AGBL4: variants seen among roughly 807,000 people sequenced by gnomAD.
AGBL4 encodes the protein cytosolic carboxypeptidase 6.
Under a neutral mutation model 66.4 loss-of-function variants are expected in AGBL4, and 58 were observed. The observed-to-expected ratio is 0.87, with a 90% CI of 0.71 to 1.09. The LOEUF (loss-of-function observed/expected upper bound fraction) is 1.09. AGBL4 is among the 50% of genes least tolerant of loss of function. The pLI is 0.00. For synonymous variants in AGBL4, 234 were observed against 222.9 expected (o/e 1.05, Z -0.44); for missense variants, 579 against 631.0 (o/e 0.92, Z 0.88).
chr1:48,958,588 G>A (rs1334849839), intron 5 of AGBL4, among the ~76,000 whole-genome samples: 1 of 152,196 alleles, frequency 6.6e-6, no homozygotes, highest in East Asian at 1.9e-4. Context: ...TACAGCAAGG[G>A]AAGTCCTGGT....
intron 3 of AGBL4, among the ~76,000 whole-genome samples, chr1:49,474,387 G>T (rs1051895087): frequency 2.0e-5 from 3 of 151,748 alleles, no homozygotes; most frequent in African/African-American, 4.8e-5. Flanking sequence ...TGTGTAAATT[G>T]TAAATGGGAT....
intron 2 of AGBL4, among the ~76,000 whole-genome samples, chr1:49,810,092 TC>T (rs1298560687): frequency 1.3e-5 from 2 of 152,180 alleles, no homozygotes; most frequent in Non-Finnish European, 2.9e-5. Context: ...ACAAAATTGA[TC>T]TTTACCACTT....
At chr1:49,145,484 T>C (rs1646200091) in intron 4 of AGBL4, among the ~76,000 whole-genome samples, 1 of 152,238 alleles carries the variant, frequency 6.6e-6, no homozygotes, top group Admixed American at 6.5e-5. Context: ...CAAGTATTTT[T>C]GTGTATTATT....
At chr1:49,101,557 T>C (rs1645202577) in intron 4 of AGBL4, among the ~76,000 whole-genome samples, 1 of 152,174 alleles carries the variant, frequency 6.6e-6, no homozygotes, top group Non-Finnish European at 1.5e-5. Flanking sequence ...GAATACTCTA[T>C]ACAGAATAAT....
intron 6 of AGBL4, among the ~76,000 whole-genome samples, chr1:48,862,480 C>T (rs1213034990): frequency 1.3e-5 from 2 of 152,156 alleles, no homozygotes; most frequent in African/African-American, 4.8e-5. Context: ...CGCCACCACG[C>T]TCGGCTAATT....
At chr1:48,878,676 G>C (rs1018252720) in intron 5 of AGBL4, among the ~76,000 whole-genome samples, 1 of 152,112 alleles carries the variant, frequency 6.6e-6, no homozygotes, top group Non-Finnish European at 1.5e-5. Flanking sequence ...CTGTGATTCA[G>C]ATCGGTATCT....
intron 1 of AGBL4, among the ~76,000 whole-genome samples, chr1:49,926,528 G>T (rs1329092288): frequency 6.6e-6 from 1 of 152,060 alleles, no homozygotes; most frequent in Non-Finnish European, 1.5e-5. Context: ...AGGAAAACAG[G>T]ACCTCATCAA....
chr1:49,005,164 A>G (rs542691759), intron 5 of AGBL4, among the ~76,000 whole-genome samples: 1 of 152,188 alleles, frequency 6.6e-6, no homozygotes, highest in South Asian at 2.1e-4. Context: ...AATGCAGGCT[A>G]TTTATCAAAA....
chr1:48,587,466 A>G (rs1013906146), intron 10 of AGBL4, among the ~76,000 whole-genome samples: 1 of 151,894 alleles, frequency 6.6e-6, no homozygotes, highest in Non-Finnish European at 1.5e-5. Flanking sequence ...GATGATAATC[A>G]GAACTAACAT....
At chr1:49,350,937 G>A (rs1274648472) in intron 3 of AGBL4, among the ~76,000 whole-genome samples, 1 of 152,120 alleles carries the variant, frequency 6.6e-6, no homozygotes, top group Admixed American at 6.6e-5. Flanking sequence ...TGGATTTTCA[G>A]GTTCCCCAGT....
At position 48,816,045 on chromosome 1, in the gene AGBL4, T is replaced by TTG. The variant is rs59041939; in HGVS notation, c.634+51144_634+51145dup. 8.0e-3 allele frequency among the ~76,000 whole-genome samples: 1,151 copies of TTG among 144,374 alleles called. 14 individuals are homozygous for TTG. Among genetic ancestry groups the TTG allele is most frequent in the African/African-American group, 0.023 (906 of 38,686 alleles). The allele number at this position is 144,374 out of a possible 152,430, so 94.7% of individuals were successfully genotyped here. ...TTTGGCCACTTATTGAGGAACTGTT[T>TTG]TGTGTGTGTGTGTGTGTGTGTGTGT... On this transcript the variant is annotated intron_variant, in intron 6 of 13. Coordinates refer to ENST00000371839, the MANE Select transcript of AGBL4 (RefSeq NM_032785.4).
chr1:49,905,942 CTTAG>C (rs1437798676), intron 1 of AGBL4, among the ~76,000 whole-genome samples: 1 of 151,982 alleles, frequency 6.6e-6, no homozygotes, highest in Non-Finnish European at 1.5e-5. Flanking sequence ...TACTCTCTCC[CTTAG>C]TATGAGTATG....
chr1:49,955,526 C>A (rs1168167533), intron 1 of AGBL4, among the ~76,000 whole-genome samples: 1 of 151,862 alleles, frequency 6.6e-6, no homozygotes, highest in Non-Finnish European at 1.5e-5. Context: ...CTAATGAGAT[C>A]TAATTGGTTT....
At chr1:48,635,051 T>C (rs1472074689) in intron 8 of AGBL4, among the ~76,000 whole-genome samples, 1 of 152,156 alleles carries the variant, frequency 6.6e-6, no homozygotes, top group Non-Finnish European at 1.5e-5. Context: ...TTTTTACCAC[T>C]TCCTCTGGTA....
At position 49,947,968 on chromosome 1, in the gene AGBL4, A is replaced by ATATT. The variant is rs1553151744; in HGVS notation, c.34+75794_34+75795insAATA. Among the ~76,000 whole-genome samples, 63 of 74,756 alleles carry ATATT rather than the reference A, an allele frequency of 8.4e-4. 2 individuals are homozygous for ATATT. The highest frequency in any genetic ancestry group is 6.8e-3 in the East Asian group (10 of 1,464). The allele number at this position is 74,756 out of a possible 152,430, so 49.0% of individuals were successfully genotyped here. A position where few individuals can be genotyped will look rare whatever the true frequency, so the allele number is the denominator to read the frequency against. On this transcript the variant is annotated intron_variant, in intron 1 of 13. Transcript: ENST00000371839. ...ATAGCTGCAATATATATATAAATAT[A>ATATT]TATATTTATAAATATATATTTATAT...
intron 1 of AGBL4, among the ~76,000 whole-genome samples, chr1:49,859,760 C>T (rs997591493): frequency 2.0e-5 from 3 of 151,738 alleles, no homozygotes; most frequent in Admixed American, 6.6e-5. Context: ...AGTTTCTAAA[C>T]GTGCAATAAA....
At chr1:49,507,235 C>T (rs1222429419) in intron 3 of AGBL4, among the ~76,000 whole-genome samples, 1 of 151,978 alleles carries the variant, frequency 6.6e-6, no homozygotes, top group Non-Finnish European at 1.5e-5. Flanking sequence ...TATTTCTCAA[C>T]CATTAGCTAG....
At chr1:49,327,623 A>C (rs1007729680) in intron 3 of AGBL4, among the ~76,000 whole-genome samples, 1 of 152,224 alleles carries the variant, frequency 6.6e-6, no homozygotes, top group Non-Finnish European at 1.5e-5. Flanking sequence ...AGTGGAACAG[A>C]CAGAAAAGCA....
At chr1:49,964,175 C>G (rs188487869) in intron 1 of AGBL4, among the ~76,000 whole-genome samples, 2 of 152,168 alleles carry the variant, frequency 1.3e-5, no homozygotes, top group African/African-American at 4.8e-5. Context: ...GAGAATCTAT[C>G]CTGTAGATAG....
Sources: allele counts gnomAD v4.1 joint callset (sites outside exome capture counted in the v4.1 genomes callset), GRCh38; gene constraint gnomAD v4.1.1; transcripts MANE v1.5; gene names NCBI Gene and HGNC (gene_info 2026-07-23, HGNC 2026-07-21).